NAALADL2: variants seen among roughly 807,000 people sequenced by gnomAD.
The protein encoded by NAALADL2 is N-acetylated alpha-linked acidic dipeptidase like 2.
A neutral mutation model predicts 87.2 loss-of-function variants in NAALADL2; 76 were observed. That is an observed-to-expected ratio of 0.87 (90% CI 0.72 to 1.05). The LOEUF is 1.05. Ranked by LOEUF, NAALADL2 falls within the 50% of genes least tolerant of loss-of-function variation. The pLI is 0.00. For missense variants in NAALADL2, 1,089 were observed against 945.8 expected (o/e 1.15, Z -1.99); for synonymous variants, 354 against 331.0 (o/e 1.07, Z -0.75).
chr3:175,605,593 G>A (rs1288391346), intron 10 of NAALADL2, among the ~76,000 whole-genome samples: 1 of 149,326 alleles, frequency 6.7e-6, no homozygotes, highest in Non-Finnish European at 1.5e-5. Context: ...TCCTTCCCCA[G>A]CCTTCATTCA....
At chr3:174,712,608 G>A (rs893430235) in intron 2 of NAALADL2, among the ~76,000 whole-genome samples, 19 of 151,508 alleles carry the variant, frequency 1.3e-4, no homozygotes, top group Non-Finnish European at 2.4e-4. Context: ...GGATGGTCTC[G>A]ATCTCCTGAC....
At chr3:175,235,411 A>G (rs1028031142) in intron 3 of NAALADL2, 8 of 152,170 alleles carry the variant, frequency 5.3e-5, no homozygotes, top group Admixed American at 5.2e-4. Context: ...TTAAACTTCA[A>G]TATAATATTA....
intron 11 of NAALADL2, among the ~76,000 whole-genome samples, chr3:175,721,833 C>T (rs945447235): frequency 9.2e-5 from 14 of 151,856 alleles, no homozygotes; most frequent in African/African-American, 2.4e-4. Flanking sequence ...AGAGAAGGAC[C>T]GTGAGCTACT....
Position 174,745,942 on chromosome 3 carries a change from A to G in NAALADL2, c.-9+8196A>G, listed in dbSNP as rs777823810. On this transcript the variant is annotated intron_variant, in intron 3 of 3. Transcript: ENST00000434257. ...GTGGAACATATCTCAAAATAGTATG[A>G]GCCATTTATGACAAACCCACAACCA... is the stretch of plus-strand genomic sequence containing the variant. 5.8e-4 allele frequency among the ~76,000 whole-genome samples: 89 copies of G among 152,178 alleles called. 1 individual carries two copies. Among genetic ancestry groups the G allele is most frequent in the Non-Finnish European group, 1.0e-4 (7 of 68,030 alleles).
rs555105702 is a variant in NAALADL2, at chr3:175,437,416, G to T, written c.1091-9813G>T. Among the ~76,000 whole-genome samples the T allele has an allele frequency of 1.1e-3, 165 of 143,792 alleles. 2 individuals are homozygous for T. The highest frequency in any genetic ancestry group is 3.9e-3 in the African/African-American group (149 of 38,380). The allele number at this position is 143,792 out of a possible 152,430, so 94.3% of individuals were successfully genotyped here. A position where few individuals can be genotyped will look rare whatever the true frequency, so the allele number is the denominator to read the frequency against. ...AAGGGATGTGAAGGACCTCTTCAAG[G>T]AGAACTACAAACCACTGCTCAAGGA... On this transcript the variant is annotated intron_variant, in intron 5 of 13. Transcript: ENST00000454872.
intron 3 of NAALADL2, among the ~76,000 whole-genome samples, chr3:174,810,120 C>A (rs1720000325): frequency 6.6e-6 from 1 of 152,114 alleles, no homozygotes; most frequent in Admixed American, 6.6e-5. Context: ...TATAAATGAT[C>A]CATTCTCATG....
rs112656326 is a variant in NAALADL2, at chr3:175,216,913, C to T, written c.546-17018C>T. ...CGAACTCCTGACCTCGTGATCTGCC[C>T]GCCTCAGCCTCCCAAAGGGTTGGGA... On this transcript the variant is annotated intron_variant, in intron 2 of 13. Transcript: ENST00000454872. 1.4e-3 allele frequency among the ~76,000 whole-genome samples: 218 copies of T among 152,114 alleles called. 2 individuals carry two copies. Among genetic ancestry groups the T allele is most frequent in the African/African-American group, 4.9e-3 (205 of 41,494 alleles).
intron 4 of NAALADL2, among the ~76,000 whole-genome samples, chr3:175,314,686 A>AGTTCTAAC (rs1385950446): frequency 3.2e-5 from 1 of 31,438 alleles, no homozygotes; most frequent in Non-Finnish European, 5.3e-5. Flanking sequence ...ATATATATAT[A>AGTTCTAAC]TATATATATA....
chr3:174,818,930 C>T (rs1721095163), intron 3 of NAALADL2, among the ~76,000 whole-genome samples: 2 of 151,882 alleles, frequency 1.3e-5, no homozygotes, highest in South Asian at 2.1e-4. Context: ...TTTTAACATT[C>T]ATTTTACTTT....
At chr3:175,465,896 C>G (rs560127730) in intron 7 of NAALADL2, among the ~76,000 whole-genome samples, 5 of 152,330 alleles carry the variant, frequency 3.3e-5, no homozygotes, top group Middle Eastern at 3.4e-3. Flanking sequence ...AAGGGTGATT[C>G]ATTTATTCCA....
At chr3:175,743,741 A>C (rs755732531) in intron 12 of NAALADL2, among the ~76,000 whole-genome samples, 16 of 152,316 alleles carry the variant, frequency 1.1e-4, no homozygotes, top group Non-Finnish European at 2.2e-4. Context: ...ACAAGGCAGG[A>C]GGTGGTAGTC....
chr3:174,965,440 G>A (rs1742729707), intron 1 of NAALADL2, among the ~76,000 whole-genome samples: 1 of 152,164 alleles, frequency 6.6e-6, no homozygotes, highest in African/African-American at 2.4e-5. Flanking sequence ...CCCACCTTTT[G>A]AAGTGAGTGT....
chr3:175,090,169 GC>G (rs1719821710), intron 1 of NAALADL2, among the ~76,000 whole-genome samples: 1 of 152,018 alleles, frequency 6.6e-6, no homozygotes, highest in South Asian at 2.1e-4. Flanking sequence ...GAAAAAAGGA[GC>G]CCATGGCAGG....
intron 2 of NAALADL2, among the ~76,000 whole-genome samples, chr3:174,658,236 C>T (rs187365010): frequency 6.6e-6 from 1 of 152,162 alleles, no homozygotes; most frequent in Admixed American, 6.5e-5. Flanking sequence ...GCGTTCCCAC[C>T]GGCAATGAAT....
At chr3:174,679,912 AC>A (rs1181227123) in intron 2 of NAALADL2, among the ~76,000 whole-genome samples, 1 of 152,156 alleles carries the variant, frequency 6.6e-6, no homozygotes, top group Non-Finnish European at 1.5e-5. Context: ...ATATGTACTT[AC>A]AATTATGATT....
chr3:174,945,042 A>C lies in NAALADL2; in HGVS notation c.43+85592A>C, dbSNP rs544793076. 3.7e-4 allele frequency among the ~76,000 whole-genome samples: 57 copies of C among 152,264 alleles called. 1 individual carries two copies. The Middle Eastern group carries it at 0.031, about 82-fold the overall frequency. On this transcript the variant is annotated intron_variant, in intron 1 of 13. Transcript: ENST00000454872. ...GCACACTAGCTGCTTCTAGTCAGCC[A>C]TCTTGGCTACCCCCTCCCCATCTAG...
In NAALADL2 at chr3:175,131,652, G is replaced by A. The variant is rs372173121; in HGVS notation, c.545+34361G>A. On this transcript the variant is annotated intron_variant, in intron 2 of 13. Coordinates refer to ENST00000454872, the MANE Select transcript of NAALADL2 (RefSeq NM_207015.3). ...CATCCTGGCCCGTTCTCAATGAGCT[G>A]TTGGGTACACCTCCCAGATGGGGTG... is the stretch of plus-strand genomic sequence containing the variant. 1.1e-4 allele frequency among the ~76,000 whole-genome samples: 17 copies of A among 152,262 alleles called. No individual in the cohort carries two copies. The South Asian group carries it at 3.1e-3, about 28-fold the overall frequency.
intron 2 of NAALADL2, among the ~76,000 whole-genome samples, chr3:175,188,490 A>G (rs1300128643): frequency 2.0e-5 from 3 of 152,168 alleles, no homozygotes; most frequent in Non-Finnish European, 4.4e-5. Context: ...TGGGCAGCTC[A>G]TGTAGCTGCA....
At chr3:174,619,476 A>C (rs934836468) in intron 2 of NAALADL2, among the ~76,000 whole-genome samples, 2 of 151,954 alleles carry the variant, frequency 1.3e-5, no homozygotes, top group Non-Finnish European at 2.9e-5. Flanking sequence ...GGAACTGATA[A>C]TGGAAATACT....
Sources: allele counts gnomAD v4.1 joint callset (sites outside exome capture counted in the v4.1 genomes callset), GRCh38; gene constraint gnomAD v4.1.1; transcripts MANE v1.5; gene names NCBI Gene and HGNC (gene_info 2026-07-23, HGNC 2026-07-21).